Variants in HUWE1 observed in about 807,000 individuals in gnomAD.
The protein encoded by HUWE1 is HECT, UBA and WWE domain containing E3 ubiquitin protein ligase 1, also known as E3 ubiquitin-protein ligase HUWE1.
Under a neutral mutation model 299.4 loss-of-function variants are expected in HUWE1, and 18 were observed. That is an observed-to-expected ratio of 0.06 (90% CI 0.04 to 0.09). HUWE1 has a LOEUF of 0.09. Ranked by LOEUF, HUWE1 falls within the 10% of genes least tolerant of loss-of-function variation. HUWE1 has a pLI of 1.00. For synonymous variants in HUWE1, 1,317 were observed against 1,286.1 expected, an observed-to-expected ratio of 1.02 and a Z score of -0.51; for missense variants, 1,832 against 3,462.3, an observed-to-expected ratio of 0.53 and a Z score of 11.82.
chrX:53,605,122 T>C (rs1345658359), intron 25 of HUWE1, among the ~76,000 whole-genome samples: 5 of 112,446 alleles, frequency 4.4e-5, no homozygotes, highest in Non-Finnish European at 7.5e-5. Flanking sequence ...TTCTACACTA[T>C]AGGATTAATT....
Position 53,557,663 on chromosome X carries a change from A to G in HUWE1, c.8161-236T>C, listed in dbSNP as rs781959214. Among the ~76,000 whole-genome samples the G allele has an allele frequency of 2.3e-4, 26 of 111,991 alleles. No homozygotes were observed. In the East Asian group the frequency reaches 7.0e-3, roughly 30 times the overall value. ...GGGGCTGAGGGGGAAATAAATATGG[A>G]AGGAAAGGATAATAAAAACCCCTTA... On this transcript the variant is annotated intron_variant, in intron 59 of 83. Coordinates refer to ENST00000262854, the MANE Select transcript of HUWE1 (RefSeq NM_031407.7).
In HUWE1 at chrX:53,614,676, C is replaced by T. The variant is rs1447514697; in HGVS notation, c.2119G>A (p.Ala707Thr). The T allele has an allele frequency of 5.0e-5, 60 of 1,204,624 alleles. No individual in the cohort carries two copies. Among genetic ancestry groups the T allele is most frequent in the Non-Finnish European group, 6.4e-5 (57 of 890,712 alleles). Residue 707 changes from alanine to threonine, a missense_variant, in exon 23 of 84, where the codon GCA becomes ACA. Around this residue, in one of 15 missense-constraint regions of HUWE1, gnomAD observed 658 missense variants for 1,282.6 expected, o/e 0.51. Coordinates refer to ENST00000262854, the MANE Select transcript of HUWE1 (RefSeq NM_031407.7). The part of the protein sequence containing the change: ...YICQKPSIQK[A>T]DGTATAPPPR... ...GGAGGAGCAGTGGCAGTGCCATCTGCCTTCTGGATTGATGGCTTCTGACAG... is the reference window on the plus strand; with the variant it reads ...GGAGGAGCAGTGGCAGTGCCATCTGTCTTCTGGATTGATGGCTTCTGACAG...
At chrX:53,552,463 T>C (rs1421993368) in intron 62 of HUWE1, 22 bp from the exon 63 acceptor site, 5 of 1,208,122 alleles carry the variant, frequency 4.1e-6, no homozygotes, top group African/African-American at 3.5e-5. Flanking sequence ...CATGCTCAGG[T>C]TGCTGTCTGT....
chrX:53,584,051 G>T, intron 41 of HUWE1, 135 bp from the exon 42 acceptor site: 1 of 810,308 alleles, frequency 1.2e-6, no homozygotes, highest in Non-Finnish European at 1.8e-6. Flanking sequence ...TTTAAGATCA[G>T]ATGAAAAAGC....
At chrX:53,647,632 T>G (rs948885118) in intron 5 of HUWE1, 58 bp from the exon 6 acceptor site, 45 of 860,312 alleles carry the variant, frequency 5.2e-5, no homozygotes, top group Non-Finnish European at 7.3e-5. Context: ...GCATGGGTGC[T>G]TTCTAACTGA....
In HUWE1 at chrX:53,538,393, C is replaced by T; in HGVS notation, c.11940G>A (p.Gly3980=). 1 of 1,210,101 alleles carries T rather than the reference C, an allele frequency of 8.3e-7. No homozygotes were observed. Among genetic ancestry groups the T allele is most frequent in the South Asian group, 1.8e-5 (1 of 56,816 alleles). ...LRQSTTHLAD[G]PFAVLVDYIR... ...TGTAGTCTACCAGGACAGCAAAAGG[C>T]CCATCAGCAAGGTGGGTCGTGGACT... Residue 3980 remains glycine (G), a synonymous_variant, in exon 77 of 84, where the codon GGG becomes GGA. Transcript: ENST00000262854.
intron 3 of HUWE1, among the ~76,000 whole-genome samples, chrX:53,661,571 TA>T (rs1359105360): frequency 2.7e-5 from 3 of 110,375 alleles, no homozygotes; most frequent in African/African-American, 9.9e-5. Context: ...CTATTACATT[TA>T]AAAAAAAATC....
At chrX:53,643,052 T>C (rs1016083729) in intron 7 of HUWE1, among the ~76,000 whole-genome samples, 2 of 112,485 alleles carry the variant, frequency 1.8e-5, no homozygotes, top group Admixed American at 9.4e-5. Context: ...TACTATTTAG[T>C]ACAACTGACA....
At chrX:53,588,262 C>T in intron 37 of HUWE1, 120 bp downstream of exon 37, 1 of 694,451 alleles carries the variant, frequency 1.4e-6, no homozygotes, top group African/African-American at 2.1e-5. Flanking sequence ...AAACTGGGCT[C>T]ATGAAATGCA....
At chrX:53,534,845 C>G in intron 81 of HUWE1, 148 bp from the exon 82 acceptor site, 1 of 496,855 alleles carries the variant, frequency 2.0e-6, no homozygotes, top group Non-Finnish European at 3.4e-6. Flanking sequence ...AGGCTAGTCT[C>G]AACCCCCTGG....
chrX:53,561,330 AGAGT>A (rs1469030949), intron 55 of HUWE1, among the ~76,000 whole-genome samples: 11 of 112,488 alleles, frequency 9.8e-5, no homozygotes, highest in African/African-American at 3.6e-4. Context: ...CTGGATGAAT[AGAGT>A]GAGTATGTTC....
intron 44 of HUWE1, among the ~76,000 whole-genome samples, 185 bp downstream of exon 44, chrX:53,576,715 C>T (rs898053449): frequency 8.9e-6 from 1 of 112,258 alleles, no homozygotes; most frequent in Non-Finnish European, 1.9e-5. Flanking sequence ...TTACCACCAT[C>T]CTGGTATGTC....
At chrX:53,673,711 CAACTT>C (rs1468648901) in intron 3 of HUWE1, among the ~76,000 whole-genome samples, 3 of 111,640 alleles carry the variant, frequency 2.7e-5, no homozygotes, top group Admixed American at 9.5e-5. Flanking sequence ...TAGGGACACT[CAACTT>C]GTGTTACTTC....
intron 42 of HUWE1, 61 bp from the exon 43 acceptor site, chrX:53,581,087 G>A (rs1432868894): frequency 1.0e-6 from 1 of 954,564 alleles, no homozygotes; most frequent in African/African-American, 1.9e-5. Context: ...TACAACTGCA[G>A]TCAAGAGTTA....
chrX:53,637,979 ATTAAT>A (rs782368618), intron 7 of HUWE1, among the ~76,000 whole-genome samples: 326 of 111,585 alleles, frequency 2.9e-3, no homozygotes, highest in Non-Finnish European at 2.1e-3. Context: ...CCTTATTATT[ATTAAT>A]TTATTATCTA....
intron 46 of HUWE1, 55 bp downstream of exon 46, chrX:53,575,100 T>C: frequency 1.1e-6 from 1 of 950,478 alleles, no homozygotes; most frequent in Non-Finnish European, 1.5e-6. Flanking sequence ...TACAGTTTTT[T>C]CAAGTTGTTT....
chrX:53,550,865 G>A, intron 65 of HUWE1, 36 bp downstream of exon 65: 1 of 1,207,909 alleles, frequency 8.3e-7, no homozygotes, highest in South Asian at 1.8e-5. Flanking sequence ...TCTGGCTAAA[G>A]CTTTCCAGAG....
chrX:53,552,541 C>G (rs1556930104), intron 62 of HUWE1, 97 bp downstream of exon 62: 10 of 1,201,052 alleles, frequency 8.3e-6, no homozygotes, highest in Non-Finnish European at 1.0e-5. Context: ...CTTTATCTCC[C>G]CAGCATAACA....
chrX:53,543,508 C>T (rs782278479), intron 73 of HUWE1, among the ~76,000 whole-genome samples: 17 of 110,833 alleles, frequency 1.5e-4, no homozygotes, highest in Non-Finnish European at 5.7e-5. Context: ...TTCTGATGTA[C>T]CTGCATTGTT....
Sources: allele counts gnomAD v4.1 joint callset (sites outside exome capture counted in the v4.1 genomes callset), GRCh38; gene constraint gnomAD v4.1.1; regional missense constraint gnomAD v4.1.1; transcripts MANE v1.5; gene names NCBI Gene and HGNC (gene_info 2026-07-23, HGNC 2026-07-21).